CPA6: variants seen among roughly 807,000 people sequenced by gnomAD.
The protein encoded by CPA6 is carboxypeptidase B.
CPA6 carries 58 observed loss-of-function variants against 63.3 expected under a neutral mutation model. That is an observed-to-expected ratio of 0.92 (90% CI 0.74 to 1.14). The LOEUF (loss-of-function observed/expected upper bound fraction) is 1.14, where lower values mean the gene tolerates loss of function less well. CPA6 is among the 50% of genes most tolerant of loss of function. CPA6 has a pLI of 0.00. For missense variants in CPA6, 565 were observed against 526.6 expected, an observed-to-expected ratio of 1.07 and a Z score of -0.71; for synonymous variants, 185 against 179.0, an observed-to-expected ratio of 1.03 and a Z score of -0.27.
intron 8 of CPA6, among the ~76,000 whole-genome samples, chr8:67,457,560 A>G (rs747435194): frequency 2.6e-5 from 4 of 151,868 alleles, no homozygotes; most frequent in Non-Finnish European, 5.9e-5. Context: ...CTCTGCCTCT[A>G]TCCTGGTTTC....
intron 1 of CPA6, among the ~76,000 whole-genome samples, chr8:67,743,533 C>T (rs1376862330): frequency 6.6e-6 from 1 of 152,210 alleles, no homozygotes; most frequent in South Asian, 2.1e-4. Context: ...ACTATGGTTA[C>T]CCTGTTGTGC....
chr8:67,637,095 A>T (rs1444302775), intron 1 of CPA6, among the ~76,000 whole-genome samples: 3 of 151,720 alleles, frequency 2.0e-5, no homozygotes, highest in Admixed American at 6.6e-5. Flanking sequence ...AGGCAGAAGT[A>T]ATGACTTTAT....
chr8:67,490,308 C>A (rs966745505), intron 6 of CPA6, among the ~76,000 whole-genome samples: 1 of 152,086 alleles, frequency 6.6e-6, no homozygotes, highest in African/African-American at 2.4e-5. Flanking sequence ...TTTTAGCAAT[C>A]GATACATACC....
At chr8:67,426,911 C>A (rs1415968112) in intron 10 of CPA6, among the ~76,000 whole-genome samples, 2 of 152,180 alleles carry the variant, frequency 1.3e-5, no homozygotes, top group African/African-American at 4.8e-5. Flanking sequence ...AATATTTTGG[C>A]CTGGTTGACA....
At chr8:67,518,317 A>G (rs1456070030) in intron 2 of CPA6, among the ~76,000 whole-genome samples, 1 of 152,168 alleles carries the variant, frequency 6.6e-6, no homozygotes, top group Admixed American at 6.5e-5. Context: ...GAGATAAAAT[A>G]GTTTTAGGTA....
chr8:67,538,033 C>A (rs571439136), intron 2 of CPA6, among the ~76,000 whole-genome samples: 1 of 152,134 alleles, frequency 6.6e-6, no homozygotes, highest in African/African-American at 2.4e-5. Context: ...AATTTGATTG[C>A]ACTGTGGTCT....
intron 1 of CPA6, among the ~76,000 whole-genome samples, chr8:67,741,591 C>G (rs188267991): frequency 6.6e-6 from 1 of 152,130 alleles, no homozygotes; most frequent in African/African-American, 2.4e-5. Context: ...TGCCTCCTGT[C>G]GATCATCAGT....
intron 1 of CPA6, among the ~76,000 whole-genome samples, chr8:67,685,597 T>C (rs557193758): frequency 2.0e-5 from 3 of 152,272 alleles, no homozygotes; most frequent in South Asian, 4.1e-4. Flanking sequence ...CCAGCCTGGG[T>C]GACAGAGTGA....
chr8:67,484,367 C>T (rs1811429375), intron 7 of CPA6, among the ~76,000 whole-genome samples: 1 of 152,170 alleles, frequency 6.6e-6, no homozygotes, highest in Non-Finnish European at 1.5e-5. Flanking sequence ...CCACCGCGCC[C>T]GGCCTTTTTG....
intron 2 of CPA6, among the ~76,000 whole-genome samples, chr8:67,610,021 CAACAAAACAAAACAAAACAAAACAA>C (rs112893898): frequency 6.7e-6 from 1 of 149,062 alleles, no homozygotes; most frequent in Non-Finnish European, 1.5e-5. Flanking sequence ...GACTCCGTCT[CAACAAAACAAAACAAAACAAAACAA>C]AACAAAACAA....
intron 2 of CPA6, among the ~76,000 whole-genome samples, chr8:67,545,091 G>A (rs1343983517): frequency 6.6e-6 from 1 of 152,100 alleles, no homozygotes; most frequent in African/African-American, 2.4e-5. Context: ...AAGGATTTTT[G>A]GAATAATGAT....
At chr8:67,630,631 G>A (rs10100275) in intron 1 of CPA6, among the ~76,000 whole-genome samples, 46,464 of 152,126 alleles carry the variant, frequency 0.31, 7,843 homozygotes, top group African/African-American at 0.46. Flanking sequence ...GCCATGCTTG[G>A]GGAACCCTTG....
At chr8:67,627,138 T>C (rs2128987401) in intron 1 of CPA6, among the ~76,000 whole-genome samples, 1 of 152,294 alleles carries the variant, frequency 6.6e-6, no homozygotes, top group East Asian at 1.9e-4. Context: ...ACCCATGAAA[T>C]GTCATACTCT....
At chr8:67,588,025 G>A (rs1813994307) in intron 2 of CPA6, among the ~76,000 whole-genome samples, 1 of 152,186 alleles carries the variant, frequency 6.6e-6, no homozygotes, top group Non-Finnish European at 1.5e-5. Flanking sequence ...GAGGTAAAAA[G>A]TGAGCTAAGG....
At chr8:67,653,240 A>G (rs1317588287) in intron 1 of CPA6, among the ~76,000 whole-genome samples, 1 of 152,068 alleles carries the variant, frequency 6.6e-6, no homozygotes, top group African/African-American at 2.4e-5. Context: ...TTTTGGTTCC[A>G]TATGAACTTT....
At chr8:67,618,544 TTCCCC>T (rs1815009578) in intron 2 of CPA6, among the ~76,000 whole-genome samples, 1 of 152,172 alleles carries the variant, frequency 6.6e-6, no homozygotes, top group Non-Finnish European at 1.5e-5. Flanking sequence ...AAGTATAGTT[TTCCCC>T]ATGTGATTTT....
At chr8:67,604,430 T>C (rs1181363833) in intron 2 of CPA6, among the ~76,000 whole-genome samples, 1 of 152,208 alleles carries the variant, frequency 6.6e-6, no homozygotes, top group Non-Finnish European at 1.5e-5. Context: ...TTTAATGATG[T>C]CTTCTTCCCT....
At chr8:67,600,737 T>A (rs559978389) in intron 2 of CPA6, among the ~76,000 whole-genome samples, 1 of 152,188 alleles carries the variant, frequency 6.6e-6, no homozygotes, top group Admixed American at 6.5e-5. Context: ...TTATACCACA[T>A]GAATGTCTGC....
intron 8 of CPA6, among the ~76,000 whole-genome samples, chr8:67,438,143 C>T (rs1446774361): frequency 6.6e-6 from 1 of 152,176 alleles, no homozygotes; most frequent in African/African-American, 2.4e-5. Context: ...GTCTTGAACT[C>T]CTGACCTCAA....
Sources: gnomAD v4.1 joint callset for allele counts (sites outside exome capture counted in the v4.1 genomes callset) on GRCh38, gnomAD v4.1.1 for gene constraint, MANE v1.5 for transcripts, NCBI Gene and HGNC (gene_info 2026-07-23, HGNC 2026-07-21) for gene names.